The following PACRG variants were observed in gnomAD, a reference collection of about 807,000 sequenced individuals.
PACRG encodes the protein parkin coregulated.
PACRG carries 29 observed loss-of-function variants against 29.7 expected under a neutral mutation model. The ratio of observed to expected loss-of-function variants is 0.98; its 90% CI spans 0.73 to 1.33. The LOEUF (loss-of-function observed/expected upper bound fraction) is 1.33, where lower values mean the gene tolerates loss of function less well. Ranked by LOEUF, PACRG falls within the 40% of genes most tolerant of loss-of-function variation. PACRG has a pLI of 0.00. For missense variants in PACRG, 279 were observed against 316.2 expected (o/e 0.88, Z 0.89); for synonymous variants, 116 against 118.7 (o/e 0.98, Z 0.15).
At chr6:162,984,982 T>C (rs1802760928) in intron 2 of PACRG, among the ~76,000 whole-genome samples, 1 of 152,036 alleles carries the variant, frequency 6.6e-6, no homozygotes. Context: ...GCTGATTACT[T>C]GTTTTGCTGT....
intron 3 of PACRG, among the ~76,000 whole-genome samples, chr6:163,072,706 A>G (rs1052365990): frequency 5.9e-5 from 9 of 152,170 alleles, no homozygotes; most frequent in Admixed American, 5.9e-4. Flanking sequence ...TATTTTGAAA[A>G]ACCTAAAGAC....
intron 2 of PACRG, among the ~76,000 whole-genome samples, chr6:163,040,789 C>G (rs1479130248): frequency 3.9e-5 from 6 of 152,196 alleles, no homozygotes; most frequent in African/African-American, 2.4e-5. Context: ...GCCTGTACCC[C>G]CATTGTATCT....
At chr6:162,844,348 G>T (rs546504969) in intron 2 of PACRG, among the ~76,000 whole-genome samples, 25 of 152,368 alleles carry the variant, frequency 1.6e-4, no homozygotes, top group African/African-American at 6.0e-4. Flanking sequence ...TCGGGTGGGA[G>T]TGACCCCATT....
chr6:163,112,124 G>A (rs2128319936), intron 4 of PACRG: 1 of 777,946 alleles, frequency 1.3e-6, no homozygotes, highest in Non-Finnish European at 1.6e-6. Flanking sequence ...AAAGCACCAG[G>A]CATCTGCCTC....
chr6:162,732,896 A>G (rs1166074025), intron 1 of PACRG, among the ~76,000 whole-genome samples: 2 of 152,214 alleles, frequency 1.3e-5, no homozygotes, highest in Non-Finnish European at 2.9e-5. Flanking sequence ...TGTGTGATCT[A>G]ATCCCATTCT....
At chr6:163,112,916 A>G (rs71567692) in intron 4 of PACRG, among the ~76,000 whole-genome samples, 3 of 152,250 alleles carry the variant, frequency 2.0e-5, no homozygotes, top group African/African-American at 4.8e-5. Flanking sequence ...CTAAGAAACA[A>G]CAGATAGTAG....
At chr6:163,018,239 T>C (rs1806285080) in intron 2 of PACRG, among the ~76,000 whole-genome samples, 1 of 152,200 alleles carries the variant, frequency 6.6e-6, no homozygotes, top group African/African-American at 2.4e-5. Context: ...CCCTCATTTT[T>C]ACTACTGTAG....
chr6:162,729,126 T>TGCATGATAGTATTA (rs1175523483), intron 1 of PACRG, among the ~76,000 whole-genome samples: 1 of 152,224 alleles, frequency 6.6e-6, no homozygotes, highest in African/African-American at 2.4e-5. Context: ...ATATTTTAGC[T>TGCATGATAGTATTA]GTCTGCATGA....
At position 163,314,857 on chromosome 6, in the gene PACRG, A is replaced by C; in HGVS notation, c.644A>C (p.Gln215Pro). The C allele has an allele frequency of 2.5e-6, 4 of 1,614,202 alleles. No individual in the cohort carries two copies. The highest frequency in any genetic ancestry group is 3.4e-6 in the Non-Finnish European group (4 of 1,180,040). Residue 215 changes from glutamine (Q) to proline (P), a missense_variant, in exon 5 of 5, where the codon CAG (glutamine) becomes CCG (proline). Transcript: ENST00000366888. The part of the protein sequence containing the change: ...VNSGDGIDYS[Q>P]QKRENIGDLI... ...TCCGGAGACGGCATTGACTACAGCCAGCAGAAGAGGGAGAACATTGGGGAC... is the reference window on the plus strand; with the variant it reads ...TCCGGAGACGGCATTGACTACAGCCCGCAGAAGAGGGAGAACATTGGGGAC...
intron 1 of PACRG, among the ~76,000 whole-genome samples, chr6:162,735,180 G>C (rs1780071099): frequency 6.6e-6 from 1 of 152,134 alleles, no homozygotes. Context: ...ATTTAGAACT[G>C]TTACAAATAG....
At chr6:162,735,391 C>A (rs1277173523) in intron 1 of PACRG, among the ~76,000 whole-genome samples, 1 of 152,122 alleles carries the variant, frequency 6.6e-6, no homozygotes, top group Non-Finnish European at 1.5e-5. Flanking sequence ...GCTACAGTCT[C>A]ACCAATAATT....
At chr6:163,192,017 T>C in intron 4 of PACRG, 1 of 281,762 alleles carries the variant, frequency 3.5e-6, no homozygotes, top group Non-Finnish European at 7.1e-6. Context: ...AATTCAGTTT[T>C]TAACTGAATC....
chr6:162,944,803 A>G (rs1798883043), intron 2 of PACRG, among the ~76,000 whole-genome samples: 1 of 152,184 alleles, frequency 6.6e-6, no homozygotes, highest in African/African-American at 2.4e-5. Flanking sequence ...GATTAAAAAA[A>G]TGAACAAGGA....
At chr6:163,006,206 T>A (rs2321335) in intron 2 of PACRG, among the ~76,000 whole-genome samples, 48,362 of 139,244 alleles carry the variant, frequency 0.35, 9,166 homozygotes, top group East Asian at 0.68. Flanking sequence ...TATATATATA[T>A]CCCATATATA....
At chr6:163,186,062 G>T (rs1779910833) in intron 4 of PACRG, among the ~76,000 whole-genome samples, 1 of 152,140 alleles carries the variant, frequency 6.6e-6, no homozygotes, top group South Asian at 2.1e-4. Flanking sequence ...CTTTCTGCTG[G>T]CCTTCACTTA....
chr6:163,087,905 G>A (rs935660596), intron 3 of PACRG, among the ~76,000 whole-genome samples: 1 of 152,194 alleles, frequency 6.6e-6, no homozygotes, highest in Non-Finnish European at 1.5e-5. Context: ...GGTGAGGATG[G>A]AGAGGGAGAC....
intron 2 of PACRG, among the ~76,000 whole-genome samples, chr6:163,002,530 C>T (rs1804683039): frequency 1.3e-5 from 2 of 152,042 alleles, no homozygotes; most frequent in South Asian, 4.1e-4. Context: ...GCAACTATAC[C>T]TTAATTATCT....
intron 2 of PACRG, among the ~76,000 whole-genome samples, chr6:162,888,461 T>G (rs924609962): frequency 6.6e-6 from 1 of 152,118 alleles, no homozygotes; most frequent in African/African-American, 2.4e-5. Flanking sequence ...CTTGGACTTG[T>G]CTGCTTGGAG....
chr6:163,081,967 A>G (rs1813127597), intron 3 of PACRG, among the ~76,000 whole-genome samples: 1 of 152,220 alleles, frequency 6.6e-6, no homozygotes, highest in Admixed American at 6.5e-5. Flanking sequence ...ACACAAATTT[A>G]ACAATATTTT....
Sources: allele counts gnomAD v4.1 joint callset (sites outside exome capture counted in the v4.1 genomes callset), GRCh38; gene constraint gnomAD v4.1.1; transcripts MANE v1.5; gene names NCBI Gene and HGNC (gene_info 2026-07-23, HGNC 2026-07-21).